XPR1: variants seen among roughly 807,000 people sequenced by gnomAD.
XPR1 encodes the protein xenotropic and polytropic retrovirus receptor 1.
In XPR1, 28 loss-of-function variants were observed where a neutral mutation model predicts 87.5. That is an observed-to-expected ratio of 0.32 (90% CI 0.24 to 0.44). XPR1 has a LOEUF of 0.44. Ranked by LOEUF, XPR1 falls within the 20% of genes least tolerant of loss-of-function variation. The probability of loss-of-function intolerance (pLI) is 1.00; values close to 1 mark genes in which losing one functional copy is unlikely to be tolerated. For synonymous variants in XPR1, 300 were observed against 306.1 expected (o/e 0.98, Z 0.21); for missense variants, 559 against 862.3 (o/e 0.65, Z 4.41).
At chr1:180,852,391 A>C (rs1344670759) in intron 11 of XPR1, among the ~76,000 whole-genome samples, 1 of 152,030 alleles carries the variant, frequency 6.6e-6, no homozygotes, top group Non-Finnish European at 1.5e-5. Context: ...CATTTCCATC[A>C]CCACAAGGAT....
intron 11 of XPR1, among the ~76,000 whole-genome samples, chr1:180,853,937 A>G (rs919198801): frequency 1.3e-5 from 2 of 152,078 alleles, no homozygotes; most frequent in African/African-American, 2.4e-5. Flanking sequence ...ATCATTAGGC[A>G]TGCAGAAAGC....
In XPR1 at chr1:180,632,051, G is replaced by A; in HGVS notation, c.-151G>A. 1.2e-6 allele frequency: 1 copy of A among 832,726 alleles called. No homozygotes were observed. 51.6% of individuals were successfully genotyped at this position (832,726 alleles called of 1,614,324 possible). The stretch of plus-strand genomic sequence containing the variant: ...AGAGGAGGAGGAAGATGGCGGGCGG[G>A]CTGCTCTGAAGAGACCTCGGCGGCG... On this transcript the variant is annotated 5_prime_UTR_variant, in exon 1 of 15. Coordinates refer to ENST00000367590, the MANE Select transcript of XPR1 (RefSeq NM_004736.4).
At chr1:180,844,452 C>T (rs1651613256) in intron 11 of XPR1, among the ~76,000 whole-genome samples, 1 of 152,142 alleles carries the variant, frequency 6.6e-6, no homozygotes, top group Non-Finnish European at 1.5e-5. Context: ...AATGTACTTA[C>T]AGACCTTGAG....
intron 4 of XPR1, 121 bp downstream of exon 4, chr1:180,803,732 G>T (rs1649881028): frequency 2.5e-6 from 2 of 790,992 alleles, no homozygotes; most frequent in East Asian, 5.3e-5. Flanking sequence ...TTAACATGTT[G>T]TTATTCTTGG....
intron 1 of XPR1, among the ~76,000 whole-genome samples, chr1:180,660,008 T>A (rs1319711243): frequency 2.6e-5 from 4 of 152,196 alleles, no homozygotes; most frequent in African/African-American, 9.7e-5. Flanking sequence ...GTGTTTTCTT[T>A]GCTGGGAGAC....
chr1:180,679,766 A>G lies in XPR1; in HGVS notation c.70-2594A>G, dbSNP rs1571715131. ...TAAAGTAAACCGATACTGTCTTTAT[A>G]GTCCTAAACCCTTAGGGAAGACTTT... On this transcript the variant is annotated intron_variant, in intron 1 of 14. Transcript: ENST00000367590. Among the ~76,000 whole-genome samples the G allele has an allele frequency of 3.3e-5, 5 of 152,366 alleles. No individual in the cohort carries two copies. The South Asian group carries it at 1.0e-3, about 32-fold the overall frequency.
intron 10 of XPR1, among the ~76,000 whole-genome samples, chr1:180,835,778 A>G (rs1651264269): frequency 6.6e-6 from 1 of 152,192 alleles, no homozygotes; most frequent in Non-Finnish European, 1.5e-5. Context: ...TGGGTGTACA[A>G]GAGAATGTGC....
chr1:180,840,534 G>GTGTC lies in XPR1; in HGVS notation c.1501+3821_1501+3822insCTGT, dbSNP rs1327766745. On this transcript the variant is annotated intron_variant, in intron 11 of 14. Transcript: ENST00000367590. ...ATTTTGACTTCAGGTTAACATATTT[G>GTGTC]TGTGTGTGTGTGTGTGTGTGTGTGT... is the stretch of plus-strand genomic sequence containing the variant. Among the ~76,000 whole-genome samples, 289 of 114,268 alleles carry GTGTC rather than the reference G, an allele frequency of 2.5e-3. 1 individual carries two copies. Among genetic ancestry groups the GTGTC allele is most frequent in the Non-Finnish European group, 4.0e-3 (231 of 57,576 alleles). The allele number at this position is 114,268 out of a possible 152,430, so 75.0% of individuals were successfully genotyped here. A position where few individuals can be genotyped will look rare whatever the true frequency, so the allele number is the denominator to read the frequency against.
intron 2 of XPR1, among the ~76,000 whole-genome samples, chr1:180,691,284 A>G (rs1044553706): frequency 1.3e-5 from 2 of 152,154 alleles, no homozygotes; most frequent in Non-Finnish European, 2.9e-5. Flanking sequence ...TGAAATTGGC[A>G]TAGATTTGAA....
intron 2 of XPR1, among the ~76,000 whole-genome samples, chr1:180,712,518 A>G (rs1206768003): frequency 1.3e-5 from 2 of 152,208 alleles, no homozygotes; most frequent in East Asian, 1.9e-4. Flanking sequence ...TTATTTGTCA[A>G]AACGTCATGC....
chr1:180,848,442 C>T (rs1191913601), intron 11 of XPR1, among the ~76,000 whole-genome samples: 4 of 152,158 alleles, frequency 2.6e-5, no homozygotes, highest in Non-Finnish European at 5.9e-5. Flanking sequence ...GCTTATTTCA[C>T]ATAATGTAAT....
chr1:180,693,994 G>C (rs1251200042), intron 2 of XPR1, among the ~76,000 whole-genome samples: 1 of 152,128 alleles, frequency 6.6e-6, no homozygotes, highest in East Asian at 1.9e-4. Context: ...ATCTTACTCT[G>C]TCATCTAGGC....
intron 2 of XPR1, among the ~76,000 whole-genome samples, chr1:180,754,830 C>T (rs72723017): frequency 0.016 from 2,376 of 152,130 alleles, 30 homozygotes; most frequent in Non-Finnish European, 0.025. Context: ...TTCATGTCTT[C>T]CTTTCTTTAA....
At chr1:180,735,860 A>T (rs967328543) in intron 2 of XPR1, among the ~76,000 whole-genome samples, 2 of 152,126 alleles carry the variant, frequency 1.3e-5, no homozygotes, top group Non-Finnish European at 2.9e-5. Flanking sequence ...AATCTCTTTT[A>T]TATTATTACT....
Position 180,837,603 on chromosome 1 carries a change from A to T in XPR1, c.1501+887A>T, listed in dbSNP as rs376066612. ...TTCAATAAACCTTGAGATTTGATGC[A>T]GCAGATGATATTTATAATATAATTC... On this transcript the variant is annotated intron_variant, in intron 11 of 14. Transcript: ENST00000367590. Among the ~76,000 whole-genome samples, 28 of 152,330 alleles carry T rather than the reference A, an allele frequency of 1.8e-4. No individual in the cohort carries two copies. In the East Asian group the frequency reaches 3.8e-3, roughly 21 times the overall value.
chr1:180,746,371 A>G (rs868668673), intron 2 of XPR1, among the ~76,000 whole-genome samples: 1 of 152,262 alleles, frequency 6.6e-6, no homozygotes, highest in Middle Eastern at 3.4e-3. Flanking sequence ...AACATACAGT[A>G]TTTGGTTTTC....
intron 7 of XPR1, among the ~76,000 whole-genome samples, chr1:180,812,998 T>C: frequency 6.6e-6 from 1 of 152,038 alleles, no homozygotes; most frequent in South Asian, 2.1e-4. Context: ...CTCGGTCTCC[T>C]TGCATCTACT....
intron 2 of XPR1, among the ~76,000 whole-genome samples, chr1:180,780,867 T>G (rs929663547): frequency 1.3e-5 from 2 of 152,174 alleles, no homozygotes; most frequent in East Asian, 3.9e-4. Flanking sequence ...AAATGTTTTC[T>G]CCCATTGTGT....
intron 2 of XPR1, among the ~76,000 whole-genome samples, chr1:180,746,334 A>G (rs59084656): frequency 0.043 from 6,545 of 152,192 alleles, 504 homozygotes; most frequent in African/African-American, 0.15. Flanking sequence ...TTGAGTACCC[A>G]TAGCTTAGCT....
Sources: gnomAD v4.1 joint callset for allele counts (sites outside exome capture counted in the v4.1 genomes callset) on GRCh38, gnomAD v4.1.1 for gene constraint, MANE v1.5 for transcripts, NCBI Gene and HGNC (gene_info 2026-07-23, HGNC 2026-07-21) for gene names.